KCNC2: variants seen among roughly 807,000 people sequenced by gnomAD.
The protein encoded by KCNC2 is potassium voltage-gated channel subfamily C member 2.
Under a neutral mutation model 44.5 loss-of-function variants are expected in KCNC2, and 21 were observed. That is an observed-to-expected ratio of 0.47 (90% CI 0.33 to 0.68). KCNC2 has a LOEUF of 0.68. Ranked by LOEUF, KCNC2 falls within the 30% of genes least tolerant of loss-of-function variation. The pLI is 0.01. For synonymous variants in KCNC2, 391 were observed against 339.1 expected (o/e 1.15, Z -1.68); for missense variants, 589 against 826.2 (o/e 0.71, Z 3.52).
At chr12:75,159,416 C>A (rs1890977491) in intron 2 of KCNC2, among the ~76,000 whole-genome samples, 1 of 151,840 alleles carries the variant, frequency 6.6e-6, no homozygotes. Flanking sequence ...AAATATTCTA[C>A]TGCCAGCTTT....
At chr12:75,178,991 A>G (rs1892377863) in intron 2 of KCNC2, among the ~76,000 whole-genome samples, 1 of 151,966 alleles carries the variant, frequency 6.6e-6, no homozygotes, top group Non-Finnish European at 1.5e-5. Context: ...ATAGAAAACA[A>G]ACAAACAAAC....
Position 75,064,915 on chromosome 12 carries a change from T to C in KCNC2, c.688-13598A>G, listed in dbSNP as rs146715654. Among the ~76,000 whole-genome samples the C allele has an allele frequency of 2.9e-3, 442 of 152,182 alleles. 9 individuals carry two copies. The East Asian group carries it at 0.043, about 15-fold the overall frequency. On this transcript the variant is annotated intron_variant, in intron 2 of 4. Transcript: ENST00000549446. Reference sequence around the variant, plus strand: ...GTTTAGTATGCTTTATTTGAAACTTTAGAGTGTACATATACATTCTACTAC... The same window carrying C: ...GTTTAGTATGCTTTATTTGAAACTTCAGAGTGTACATATACATTCTACTAC...
rs183910865 is a variant in KCNC2, at chr12:75,055,759, G to T, written c.688-4442C>A. Among the ~76,000 whole-genome samples, 101 of 152,110 alleles carry T rather than the reference G, an allele frequency of 6.6e-4. 1 individual carries two copies. The highest frequency in any genetic ancestry group is 6.8e-3 in the Middle Eastern group (2 of 294). On this transcript the variant is annotated intron_variant, in intron 2 of 4. Transcript: ENST00000549446. ...ATTTTTTTCCAATCAGTGACCATGAGTTGGAAGTCTTCATAGTCCAGGATC... is the reference window on the plus strand; with the variant it reads ...ATTTTTTTCCAATCAGTGACCATGATTTGGAAGTCTTCATAGTCCAGGATC...
chr12:75,106,289 G>A (rs1029387300), intron 2 of KCNC2, among the ~76,000 whole-genome samples: 31 of 152,160 alleles, frequency 2.0e-4, no homozygotes, highest in African/African-American at 7.2e-4. Flanking sequence ...AAGACTTGGA[G>A]GACAGGGAAT....
chr12:75,191,387 G>A (rs1050477554), intron 2 of KCNC2, among the ~76,000 whole-genome samples: 8 of 150,754 alleles, frequency 5.3e-5, no homozygotes, highest in South Asian at 2.1e-4. Flanking sequence ...ATTTTCCATT[G>A]TAAAAATATT....
intron 2 of KCNC2, among the ~76,000 whole-genome samples, chr12:75,078,186 C>A (rs1462665426): frequency 6.6e-6 from 1 of 151,940 alleles, no homozygotes; most frequent in African/African-American, 2.4e-5. Context: ...TAAATAAGTG[C>A]AAAGAGAAGG....
intron 4 of KCNC2, among the ~76,000 whole-genome samples, chr12:75,046,116 A>G (rs1880481408): frequency 6.6e-6 from 1 of 151,884 alleles, no homozygotes; most frequent in East Asian, 1.9e-4. Context: ...GTAGGAAAAA[A>G]CATATAACTA....
chr12:75,148,750 A>G (rs1378678268), intron 2 of KCNC2, among the ~76,000 whole-genome samples: 2 of 151,890 alleles, frequency 1.3e-5, no homozygotes, highest in African/African-American at 4.8e-5. Flanking sequence ...TTCTTTAAAG[A>G]ACATTGAAAC....
intron 2 of KCNC2, among the ~76,000 whole-genome samples, chr12:75,170,448 CAG>C (rs1265511841): frequency 6.6e-6 from 1 of 151,638 alleles, no homozygotes; most frequent in African/African-American, 2.4e-5. Context: ...ATTCTAGATA[CAG>C]AGGAATACAG....
intron 2 of KCNC2, among the ~76,000 whole-genome samples, chr12:75,151,138 C>T (rs570958711): frequency 3.3e-5 from 5 of 151,992 alleles, no homozygotes; most frequent in African/African-American, 7.2e-5. Context: ...AAAGCCTTCA[C>T]GATGCAAGAA....
chr12:75,152,321 G>A (rs576775223), intron 2 of KCNC2, among the ~76,000 whole-genome samples: 1 of 151,068 alleles, frequency 6.6e-6, no homozygotes, highest in Non-Finnish European at 1.5e-5. Flanking sequence ...CAACGAAAAA[G>A]AAAACACAAA....
intron 2 of KCNC2, among the ~76,000 whole-genome samples, chr12:75,089,806 A>C (rs2137123203): frequency 6.6e-6 from 1 of 151,982 alleles, no homozygotes; most frequent in East Asian, 1.9e-4. Context: ...AAAATTCAAT[A>C]AAATTTAGAA....
chr12:75,073,090 G>A (rs1883583181), intron 2 of KCNC2, among the ~76,000 whole-genome samples: 1 of 152,104 alleles, frequency 6.6e-6, no homozygotes, highest in African/African-American at 2.4e-5. Flanking sequence ...TGCATGGATT[G>A]TTTATCTGTT....
rs200893949 is a variant in KCNC2, at chr12:75,084,290, T to TAGATAGATAGATAGATGATA, written c.688-32974_688-32973insTATCATCTATCTATCTATCT. 4.0e-3 allele frequency among the ~76,000 whole-genome samples: 492 copies of TAGATAGATAGATAGATGATA among 123,722 alleles called. 4 individuals carry two copies. The highest frequency in any genetic ancestry group is 0.016 in the African/African-American group (456 of 28,152). 81.2% of individuals were successfully genotyped at this position (123,722 alleles called of 152,430 possible). On this transcript the variant is annotated intron_variant, in intron 2 of 4. Coordinates refer to ENST00000549446, the MANE Select transcript of KCNC2 (RefSeq NM_139137.4). ...TAGATTAGATAGATAGATAGATAGA[T>TAGATAGATAGATAGATGATA]GATAGATAGATAGATAGATAGATAG...
intron 2 of KCNC2, among the ~76,000 whole-genome samples, chr12:75,192,753 A>C (rs1253582332): frequency 6.6e-6 from 1 of 152,228 alleles, no homozygotes; most frequent in African/African-American, 2.4e-5. Context: ...TTTGTGGGGA[A>C]GAATCATAGA....
At chr12:75,043,303 T>A in intron 4 of KCNC2, 62 bp from the exon 5 acceptor site, 2 of 1,596,444 alleles carry the variant, frequency 1.3e-6, no homozygotes. Flanking sequence ...AGACAAATAA[T>A]ACCATGCAGG....
intron 2 of KCNC2, among the ~76,000 whole-genome samples, chr12:75,194,040 G>GA (rs1048189581): frequency 1.1e-4 from 16 of 151,556 alleles, no homozygotes; most frequent in East Asian, 5.8e-4. Flanking sequence ...ACGCAGATAT[G>GA]AAAAAAAAGA....
At chr12:75,205,427 C>T (rs567521818) in intron 2 of KCNC2, among the ~76,000 whole-genome samples, 2 of 152,204 alleles carry the variant, frequency 1.3e-5, no homozygotes, top group Admixed American at 6.5e-5. Flanking sequence ...AGATCAAAGT[C>T]TCAAGAGTAT....
chr12:75,171,191 A>C (rs1192512675), intron 2 of KCNC2, among the ~76,000 whole-genome samples: 1 of 151,760 alleles, frequency 6.6e-6, no homozygotes, highest in East Asian at 1.9e-4. Context: ...TTTTTTATTA[A>C]GTTAAACTCA....
Sources: gnomAD v4.1 joint callset for allele counts (sites outside exome capture counted in the v4.1 genomes callset) on GRCh38, gnomAD v4.1.1 for gene constraint, MANE v1.5 for transcripts, NCBI Gene and HGNC (gene_info 2026-07-23, HGNC 2026-07-21) for gene names.